EVI5: variants seen among roughly 807,000 people sequenced by gnomAD.
The protein encoded by EVI5 is ecotropic viral integration site 5, also known as ecotropic viral integration site 5 protein homolog.
A neutral mutation model predicts 112.0 loss-of-function variants in EVI5; 73 were observed. The observed-to-expected ratio is 0.65, with a 90% CI of 0.54 to 0.79. The LOEUF (loss-of-function observed/expected upper bound fraction) is 0.79. EVI5 is among the 30% of genes least tolerant of loss of function. EVI5 has a pLI of 0.00. For synonymous variants in EVI5, 305 were observed against 319.9 expected (o/e 0.95, Z 0.50); for missense variants, 900 against 968.8 (o/e 0.93, Z 0.94).
chr1:92,667,922 G>A (rs529631898), intron 10 of EVI5, among the ~76,000 whole-genome samples: 4 of 152,186 alleles, frequency 2.6e-5, no homozygotes, highest in South Asian at 4.1e-4. Context: ...GCCTCAAGGT[G>A]ATAACTTACT....
In EVI5 at chr1:92,569,925, A is replaced by G. The variant is rs1050800122; in HGVS notation, c.2071-6188T>C. Among the ~76,000 whole-genome samples, 9 of 151,984 alleles carry G rather than the reference A, an allele frequency of 5.9e-5. No homozygotes were observed. In the East Asian group the frequency reaches 1.7e-3, roughly 29 times the overall value. The stretch of plus-strand genomic sequence containing the variant: ...TAAGAACAAAAGAGTAATATAAGAA[A>G]GATAAACTCACCATTAAAATTCAGT... On this transcript the variant is annotated intron_variant, in intron 18 of 19. Transcript: ENST00000684568.
chr1:92,596,460 A>ACACT lies in EVI5; in HGVS notation c.2070+8843_2070+8846dup, dbSNP rs1424376961. Among the ~76,000 whole-genome samples, 6 of 152,334 alleles carry ACACT rather than the reference A, an allele frequency of 3.9e-5. No homozygotes were observed. The South Asian group carries it at 1.2e-3, about 32-fold the overall frequency. On this transcript the variant is annotated intron_variant, in intron 18 of 19. Transcript: ENST00000684568. ...TGTGAATATCCTCAAATGGCTTAGAACACTGCCTGGTATGTACCAAGTGTT... is the reference window on the plus strand; with the variant it reads ...TGTGAATATCCTCAAATGGCTTAGAACACTCACTGCCTGGTATGTACCAAGTGTT...
At chr1:92,554,549 C>T (rs1667415313) in intron 19 of EVI5, among the ~76,000 whole-genome samples, 2 of 151,950 alleles carry the variant, frequency 1.3e-5, no homozygotes, top group African/African-American at 2.4e-5. Flanking sequence ...CGCTATTGTT[C>T]CAAATATAAA....
chr1:92,703,380 A>G lies in EVI5; in HGVS notation c.564+15T>C. On this transcript the variant is annotated intron_variant, in intron 4 of 19. Coordinates refer to ENST00000684568, the MANE Select transcript of EVI5 (RefSeq NM_001350197.2). ...GAATTCATTTCATTTCAAAAAATGA[A>G]TAAATAAAACTTACCTTCATTACAT... is the stretch of plus-strand genomic sequence containing the variant. 1 of 1,418,700 alleles carries G rather than the reference A, an allele frequency of 7.0e-7. No homozygotes were observed. Among genetic ancestry groups the G allele is most frequent in the Non-Finnish European group, 9.6e-7 (1 of 1,040,088 alleles). 87.9% of individuals were successfully genotyped at this position (1,418,700 alleles called of 1,614,324 possible).
intron 19 of EVI5, among the ~76,000 whole-genome samples, chr1:92,514,682 T>C (rs1196147979): frequency 6.6e-6 from 1 of 152,166 alleles, no homozygotes; most frequent in Non-Finnish European, 1.5e-5. Flanking sequence ...ACACCCATCA[T>C]GGACAATCTT....
rs182689764 is a variant in EVI5 at position 92,509,031 on chromosome 1, T to C, written c.*4625A>G. ...GCAGTAACTTTCAAGCTAAAACTCA[T>C]TGTTTTGGTAAGTAAATAACTGATT... is the stretch of plus-strand genomic sequence containing the variant. On this transcript the variant is annotated 3_prime_UTR_variant, in exon 20 of 20. Transcript: ENST00000684568. 1.5e-3 allele frequency: 233 copies of C among 152,344 alleles called. No individual in the cohort carries two copies. The highest frequency in any genetic ancestry group is 5.4e-3 in the African/African-American group (224 of 41,580). The allele number at this position is 152,344 out of a possible 1,614,324, so 9.4% of individuals were successfully genotyped here.
intron 9 of EVI5, among the ~76,000 whole-genome samples, chr1:92,691,342 T>C (rs932809360): frequency 6.6e-6 from 1 of 151,806 alleles, no homozygotes; most frequent in Admixed American, 6.6e-5. Context: ...AAAATAAATA[T>C]GACAAAATAT....
In EVI5 at chr1:92,579,579, T is replaced by C. The variant is rs528484474; in HGVS notation, c.2071-15842A>G. Among the ~76,000 whole-genome samples, 6 of 152,346 alleles carry C rather than the reference T, an allele frequency of 3.9e-5. No individual in the cohort carries two copies. The South Asian group carries it at 6.2e-4, about 16-fold the overall frequency. ...GATGGTTTGGTTTTACTGTGACTAA[T>C]ACAGTTATTAATAGCCATTTTTCCC... On this transcript the variant is annotated intron_variant, in intron 18 of 19. Coordinates refer to ENST00000684568, the MANE Select transcript of EVI5 (RefSeq NM_001350197.2).
At chr1:92,532,301 T>C (rs1038616250) in intron 19 of EVI5, among the ~76,000 whole-genome samples, 1 of 152,170 alleles carries the variant, frequency 6.6e-6, no homozygotes, top group Non-Finnish European at 1.5e-5. Context: ...CTTAGAGACC[T>C]ACAAAGAGAC....
At chr1:92,646,259 T>C (rs1488297406) in intron 13 of EVI5, among the ~76,000 whole-genome samples, 1 of 152,206 alleles carries the variant, frequency 6.6e-6, no homozygotes, top group Non-Finnish European at 1.5e-5. Flanking sequence ...CCCAGAACAC[T>C]GAAAATCACA....
chr1:92,789,254 A>G (rs1053963085), upstream of EVI5, among the ~76,000 whole-genome samples: 1 of 151,840 alleles, frequency 6.6e-6, no homozygotes, highest in South Asian at 2.1e-4. Flanking sequence ...ACTGGGTCTC[A>G]CTATGTTGCT....
At chr1:92,546,212 T>A (rs1429963044) in intron 19 of EVI5, among the ~76,000 whole-genome samples, 1 of 152,124 alleles carries the variant, frequency 6.6e-6, no homozygotes, top group African/African-American at 2.4e-5. Flanking sequence ...GTTCAAATAT[T>A]CACTGATTAA....
At chr1:92,638,842 ATT>A (rs916865502) in intron 13 of EVI5, among the ~76,000 whole-genome samples, 7 of 152,110 alleles carry the variant, frequency 4.6e-5, no homozygotes, top group African/African-American at 1.4e-4. Flanking sequence ...AGTTTAATAT[ATT>A]GTTTTAATAT....
At chr1:92,614,870 ATATATATATATATATC>A (rs368666746) in intron 16 of EVI5, among the ~76,000 whole-genome samples, 120,964 of 140,374 alleles carry the variant, frequency 0.86, 51,505 homozygotes, top group East Asian at 0.95. Context: ...ATATATATAT[ATATATATATATATATC>A]TCCTATTATT....
chr1:92,704,433 A>C, intron 3 of EVI5, 122 bp downstream of exon 3: 1 of 530,972 alleles, frequency 1.9e-6, no homozygotes, highest in Non-Finnish European at 3.2e-6. Flanking sequence ...AAACAAATAA[A>C]GCAGACCTCT....
chr1:92,784,226 G>GA, intron 1 of EVI5: 1 of 829,580 alleles, frequency 1.2e-6, no homozygotes, highest in South Asian at 5.5e-5. Context: ...CTTTTGAGTG[G>GA]AAACACCAAC....
chr1:92,720,929 C>T (rs1418540911), intron 2 of EVI5, among the ~76,000 whole-genome samples: 1 of 152,190 alleles, frequency 6.6e-6, no homozygotes, highest in Admixed American at 6.5e-5. Flanking sequence ...AAATGCTCAT[C>T]ATCACTGGTC....
intron 9 of EVI5, among the ~76,000 whole-genome samples, chr1:92,686,211 G>C: frequency 6.6e-6 from 1 of 152,146 alleles, no homozygotes; most frequent in Non-Finnish European, 1.5e-5. Context: ...GATCAAGTTG[G>C]CTTCATCCCT....
Position 92,616,534 on chromosome 1 carries a change from T to C in EVI5, c.1827+7642A>G, listed in dbSNP as rs143608779. Among the ~76,000 whole-genome samples, 30 of 152,102 alleles carry C rather than the reference T, an allele frequency of 2.0e-4. 1 individual carries two copies. The highest frequency in any genetic ancestry group is 3.4e-3 in the Middle Eastern group (1 of 294). ...AATCACGGTGTTCCTAGAAGTGAAA[T>C]TGATAGGAAGTCTGCTCATTCCTAC... On this transcript the variant is annotated intron_variant, in intron 16 of 19. Transcript: ENST00000684568.
Sources: gnomAD v4.1 joint callset for allele counts (sites outside exome capture counted in the v4.1 genomes callset) on GRCh38, gnomAD v4.1.1 for gene constraint, MANE v1.5 for transcripts, NCBI Gene and HGNC (gene_info 2026-07-23, HGNC 2026-07-21) for gene names.